The following NALF1 variants were observed in gnomAD, a reference collection of about 807,000 sequenced individuals.
NALF1 encodes the protein NALCN channel auxiliary factor 1.
A neutral mutation model predicts 48.4 loss-of-function variants in NALF1; 3 were observed. The ratio of observed to expected loss-of-function variants is 0.06; its 90% CI spans 0.03 to 0.16. The LOEUF is 0.16. Among genes scored for constraint, NALF1 ranks in the 10% least tolerant of loss-of-function variants. The pLI is 1.00. For synonymous variants in NALF1, 262 were observed against 245.7 expected, an observed-to-expected ratio of 1.07 and a Z score of -0.62; for missense variants, 526 against 571.5, an observed-to-expected ratio of 0.92 and a Z score of 0.81.
chr13:107,851,731 A>C (rs1880318325), intron 1 of NALF1, among the ~76,000 whole-genome samples: 1 of 151,564 alleles, frequency 6.6e-6, no homozygotes, highest in Admixed American at 6.6e-5. Flanking sequence ...GAAAAGGGAA[A>C]TGTGTTAACT....
intron 1 of NALF1, among the ~76,000 whole-genome samples, chr13:107,237,167 A>T (rs144713949): frequency 1.8e-4 from 28 of 152,152 alleles, no homozygotes; most frequent in African/African-American, 6.5e-4. Flanking sequence ...ATATATCATA[A>T]ATAATTTAGA....
In NALF1 at chr13:107,600,690, T is replaced by C. The variant is rs147585929; in HGVS notation, c.915+264992A>G. On this transcript the variant is annotated intron_variant, in intron 1 of 2. Transcript: ENST00000375915. ...GAGAGGTAAATAATATTAACTTATA[T>C]AGACCCTCATTCAGAAACATACAGG... is the stretch of plus-strand genomic sequence containing the variant. 1.0e-3 allele frequency among the ~76,000 whole-genome samples: 155 copies of C among 152,300 alleles called. 1 individual carries two copies. The East Asian group carries it at 0.026, about 26-fold the overall frequency.
intron 1 of NALF1, among the ~76,000 whole-genome samples, chr13:107,514,800 T>G (rs1815293): frequency 0.64 from 97,764 of 152,062 alleles, 33,793 homozygotes; most frequent in Middle Eastern, 0.8. Flanking sequence ...TCTCCCCCAC[T>G]TATCTGCTGG....
At chr13:107,287,706 C>CTTTT (rs59607599) in intron 1 of NALF1, among the ~76,000 whole-genome samples, 18 of 127,904 alleles carry the variant, frequency 1.4e-4, no homozygotes, top group Non-Finnish European at 2.4e-4. Flanking sequence ...TCTTTTCTTT[C>CTTTT]TTTTTTTTTT....
chr13:107,729,621 C>T (rs1009970959), intron 1 of NALF1, among the ~76,000 whole-genome samples: 12 of 151,946 alleles, frequency 7.9e-5, no homozygotes, highest in African/African-American at 2.4e-4. Flanking sequence ...AGATTACAGG[C>T]GCCCACCACC....
chr13:107,186,543 AT>A lies in NALF1; in HGVS notation c.1088-15758del, dbSNP rs1879177811. Among the ~76,000 whole-genome samples, 4 of 151,896 alleles carry A rather than the reference AT, an allele frequency of 2.6e-5. No individual in the cohort carries two copies. The South Asian group carries it at 8.3e-4, about 32-fold the overall frequency. On this transcript the variant is annotated intron_variant, in intron 2 of 2. Transcript: ENST00000375915. ...CCACCACGCCCAGCTAATTTTTGTA[AT>A]TTTAGTAGAGATGGGGTTTCACCAT... is the stretch of plus-strand genomic sequence containing the variant.
chr13:107,437,806 T>C lies in NALF1; in HGVS notation c.916-227051A>G, dbSNP rs1386219848. Among the ~76,000 whole-genome samples the C allele has an allele frequency of 9.6e-4, 146 of 152,198 alleles. 2 individuals carry two copies. The highest frequency in any genetic ancestry group is 8.8e-5 in the Non-Finnish European group (6 of 68,044). ...GGTTTACACATTTGTCAAAATACAG[T>C]ATTAACTTAAGATTTGTGCACCACT... On this transcript the variant is annotated intron_variant, in intron 1 of 2. Coordinates refer to ENST00000375915, the MANE Select transcript of NALF1 (RefSeq NM_001080396.3).
Position 107,866,976 on chromosome 13 carries a change from T to C in NALF1, c.-380A>G, listed in dbSNP as rs1880757271. Among the ~76,000 whole-genome samples, 1 of 151,380 alleles carries C rather than the reference T, an allele frequency of 6.6e-6. No individual in the cohort carries two copies. Among genetic ancestry groups the C allele is most frequent in the Non-Finnish European group, 1.5e-5 (1 of 67,808 alleles). On this transcript the variant is annotated 5_prime_UTR_variant, in exon 1 of 3. Coordinates refer to ENST00000375915, the MANE Select transcript of NALF1 (RefSeq NM_001080396.3). This position sits in a 1 kb window ranked among gnomAD's most constrained non-coding sequence, Gnocchi z 4.4. The stretch of plus-strand genomic sequence containing the variant: ...CGAGGCTGGGTGCAGGGGGCGATGG[T>C]GGAGGTGACAGGGTGGCTGGCGCGG...
In NALF1 at chr13:107,164,444, T is replaced by C. The variant is rs1013395445; in HGVS notation, c.*6053A>G. On this transcript the variant is annotated 3_prime_UTR_variant, in exon 3 of 3. Coordinates refer to ENST00000375915, the MANE Select transcript of NALF1 (RefSeq NM_001080396.3). ...AAATGTTCCAATTTAAACATTTTCA[T>C]GTTTAAAATTACTATAGTTTTTTTA... 1.3e-5 allele frequency: 2 copies of C among 152,106 alleles called. No homozygotes were observed. Among genetic ancestry groups the C allele is most frequent in the Admixed American group, 1.3e-4 (2 of 15,272 alleles). 9.4% of individuals were successfully genotyped at this position (152,106 alleles called of 1,614,324 possible). A position where few individuals can be genotyped will look rare whatever the true frequency, so the allele number is the denominator to read the frequency against.
At chr13:107,451,106 G>A (rs890697431) in intron 1 of NALF1, among the ~76,000 whole-genome samples, 3 of 152,152 alleles carry the variant, frequency 2.0e-5, no homozygotes, top group East Asian at 1.9e-4. Flanking sequence ...CCACTGAGTC[G>A]ACCCCACGTG....
At chr13:107,415,173 T>C (rs926212214) in intron 1 of NALF1, among the ~76,000 whole-genome samples, 1 of 152,194 alleles carries the variant, frequency 6.6e-6, no homozygotes, top group African/African-American at 2.4e-5. Flanking sequence ...TTTAAATACA[T>C]ATCGATGAAA....
chr13:107,300,099 T>C (rs1004141717), intron 1 of NALF1, among the ~76,000 whole-genome samples: 1 of 152,212 alleles, frequency 6.6e-6, no homozygotes, highest in Non-Finnish European at 1.5e-5. Flanking sequence ...CAGTATGTGG[T>C]CACGAGTTCC....
At chr13:107,430,872 C>G (rs916581568) in intron 1 of NALF1, among the ~76,000 whole-genome samples, 2 of 152,272 alleles carry the variant, frequency 1.3e-5, no homozygotes, top group African/African-American at 4.8e-5. Context: ...GAGGAATCGC[C>G]ACACTGACTT....
At chr13:107,851,502 T>A (rs1880312911) in intron 1 of NALF1, among the ~76,000 whole-genome samples, 1 of 152,148 alleles carries the variant, frequency 6.6e-6, no homozygotes, top group Non-Finnish European at 1.5e-5. Flanking sequence ...TATAAAAGAC[T>A]CTGTTGTTCA....
At chr13:107,681,481 A>T (rs201995278) in intron 1 of NALF1, among the ~76,000 whole-genome samples, 1 of 126,816 alleles carries the variant, frequency 7.9e-6, no homozygotes, top group East Asian at 4.3e-4. Context: ...CAGGGAGAAA[A>T]GTTTAAAAAA....
At chr13:107,526,911 A>T (rs945883939) in intron 1 of NALF1, among the ~76,000 whole-genome samples, 4 of 152,198 alleles carry the variant, frequency 2.6e-5, no homozygotes, top group Non-Finnish European at 5.9e-5. Flanking sequence ...TCTACTAATG[A>T]CAGGATGAAA....
chr13:107,610,975 C>T (rs1879209004), intron 1 of NALF1, among the ~76,000 whole-genome samples: 1 of 151,794 alleles, frequency 6.6e-6, no homozygotes, highest in South Asian at 2.1e-4. Flanking sequence ...CTGCAGGCCA[C>T]GTATAGATGA....
chr13:107,200,010 G>A (rs1269999280), intron 2 of NALF1, among the ~76,000 whole-genome samples: 1 of 152,178 alleles, frequency 6.6e-6, no homozygotes, highest in East Asian at 1.9e-4. Context: ...TCCAATGTTT[G>A]CTTATTGAAC....
chr13:107,238,586 A>G (rs1680175833), intron 1 of NALF1, among the ~76,000 whole-genome samples: 1 of 152,196 alleles, frequency 6.6e-6, no homozygotes. Context: ...CAAGTTCAAG[A>G]TGCCTCATCT....
Sources: gnomAD v4.1 joint callset for allele counts (sites outside exome capture counted in the v4.1 genomes callset) on GRCh38, gnomAD v4.1.1 for gene constraint, Gnocchi (gnomAD v3.1) non-coding constraint, MANE v1.5 for transcripts, NCBI Gene and HGNC (gene_info 2026-07-23, HGNC 2026-07-21) for gene names.